The following SLC1A3 variants were observed in gnomAD, a reference collection of about 807,000 sequenced individuals.
The protein encoded by SLC1A3 is solute carrier family 1 member 3, also known as excitatory amino acid transporter 1.
In SLC1A3, 21 loss-of-function variants were observed where a neutral mutation model predicts 48.1. The observed-to-expected ratio is 0.44, with a 90% CI of 0.31 to 0.63. The LOEUF is 0.63. Among genes scored for constraint, SLC1A3 ranks in the 20% least tolerant of loss-of-function variants. SLC1A3 has a pLI of 0.08. For missense variants in SLC1A3, 546 were observed against 689.0 expected, an observed-to-expected ratio of 0.79 and a Z score of 2.32; for synonymous variants, 239 against 251.4, an observed-to-expected ratio of 0.95 and a Z score of 0.47.
At chr5:36,675,006 C>T (rs1742147368) in intron 5 of SLC1A3, among the ~76,000 whole-genome samples, 1 of 152,146 alleles carries the variant, frequency 6.6e-6, no homozygotes, top group Non-Finnish European at 1.5e-5. Flanking sequence ...GGGAAACAGA[C>T]ACTCTTGGTT....
intron 3 of SLC1A3, among the ~76,000 whole-genome samples, chr5:36,632,412 C>T (rs907645958): frequency 3.3e-5 from 5 of 152,182 alleles, no homozygotes; most frequent in African/African-American, 9.7e-5. Flanking sequence ...CAGTCCTGTG[C>T]CAAAGCTTAA....
rs145621641 is a variant in SLC1A3 at position 36,674,840 on chromosome 5, G to A, written c.567+749G>A. Among the ~76,000 whole-genome samples the A allele has an allele frequency of 3.7e-4, 57 of 152,246 alleles. 1 individual carries two copies. Among genetic ancestry groups the A allele is most frequent in the African/African-American group, 1.2e-3 (48 of 41,546 alleles). On this transcript the variant is annotated intron_variant, in intron 5 of 9. Coordinates refer to ENST00000265113, the MANE Select transcript of SLC1A3 (RefSeq NM_004172.5). ...GGAATATTCAGGGCGATGAGACACC[G>A]ACCTGGAGGCTATACTGAGGTCCAG...
At chr5:36,625,137 T>G (rs1297113480) in intron 2 of SLC1A3, among the ~76,000 whole-genome samples, 2 of 152,336 alleles carry the variant, frequency 1.3e-5, no homozygotes, top group Non-Finnish European at 2.9e-5. Context: ...GTTAACTGAC[T>G]TCTGAGCATC....
At chr5:36,614,013 A>G (rs1321465517) in intron 2 of SLC1A3, among the ~76,000 whole-genome samples, 3 of 152,202 alleles carry the variant, frequency 2.0e-5, no homozygotes, top group Non-Finnish European at 4.4e-5. Context: ...GTGACGGTGT[A>G]GCCCAGTAAG....
At chr5:36,685,982 C>A in intron 9 of SLC1A3, 83 bp from the exon 10 acceptor site, 2 of 1,048,350 alleles carry the variant, frequency 1.9e-6, no homozygotes, top group Non-Finnish European at 3.0e-6. Flanking sequence ...AGAGGTGCTT[C>A]GCTGGCCAGT....
At chr5:36,672,557 T>G (rs1433682125) in intron 4 of SLC1A3, among the ~76,000 whole-genome samples, 1 of 152,182 alleles carries the variant, frequency 6.6e-6, no homozygotes, top group Non-Finnish European at 1.5e-5. Flanking sequence ...CATTCCCCAT[T>G]GATCTTCTGA....
At chr5:36,632,114 G>A (rs556491246) in intron 3 of SLC1A3, among the ~76,000 whole-genome samples, 1 of 152,286 alleles carries the variant, frequency 6.6e-6, no homozygotes, top group African/African-American at 2.4e-5. Context: ...AGAACTAAGA[G>A]GGACAAGTAT....
intron 3 of SLC1A3, chr5:36,629,956 G>T: frequency 3.1e-6 from 1 of 326,742 alleles, no homozygotes; most frequent in Non-Finnish European, 5.9e-6. Flanking sequence ...ACATCTGGTT[G>T]GACAGCCTAT....
intron 1 of SLC1A3, chr5:36,607,207 A>T (rs1393188374): frequency 6.6e-6 from 1 of 151,884 alleles, no homozygotes; most frequent in African/African-American, 2.4e-5. Context: ...TTTTTCCTGC[A>T]CTGGGATTGC....
intron 3 of SLC1A3, among the ~76,000 whole-genome samples, chr5:36,665,198 A>T (rs1336822238): frequency 6.7e-6 from 1 of 149,650 alleles, no homozygotes. Flanking sequence ...TAATTCATAT[A>T]GTAACCCAAT....
intron 2 of SLC1A3, among the ~76,000 whole-genome samples, chr5:36,623,092 T>G (rs1032627965): frequency 1.3e-5 from 2 of 152,150 alleles, no homozygotes; most frequent in Non-Finnish European, 2.9e-5. Context: ...TCTTGAACTT[T>G]CTGCATTAGC....
chr5:36,670,202 T>C (rs996272891), intron 3 of SLC1A3, among the ~76,000 whole-genome samples: 1 of 152,212 alleles, frequency 6.6e-6, no homozygotes, highest in African/African-American at 2.4e-5. Context: ...AAGTCATGCC[T>C]CCTTTTTTCT....
intron 2 of SLC1A3, among the ~76,000 whole-genome samples, chr5:36,623,014 C>CAAACA (rs1290307339): frequency 1.7e-4 from 9 of 51,938 alleles, no homozygotes; most frequent in Non-Finnish European, 3.3e-4. Context: ...TCCATCATCT[C>CAAACA]AAAAAAAAAA....
chr5:36,614,518 G>A (rs569777617), intron 2 of SLC1A3, among the ~76,000 whole-genome samples: 1 of 152,130 alleles, frequency 6.6e-6, no homozygotes, highest in Non-Finnish European at 1.5e-5. Context: ...GTCCCTTACC[G>A]ATCTGGCCTC....
intron 5 of SLC1A3, among the ~76,000 whole-genome samples, chr5:36,675,096 T>C (rs1742152209): frequency 6.6e-6 from 1 of 152,194 alleles, no homozygotes; most frequent in Non-Finnish European, 1.5e-5. Context: ...GCTTAGGATC[T>C]GTAAAACAAA....
At chr5:36,629,310 T>A (rs1740034417) in intron 2 of SLC1A3, 140 bp from the exon 3 acceptor site, 2 of 740,882 alleles carry the variant, frequency 2.7e-6, no homozygotes, top group East Asian at 5.4e-5. Flanking sequence ...ATACATCTCT[T>A]GCTCCCAAAG....
chr5:36,637,123 C>G (rs569347997), intron 3 of SLC1A3, among the ~76,000 whole-genome samples: 1 of 152,296 alleles, frequency 6.6e-6, no homozygotes, highest in Admixed American at 6.5e-5. Flanking sequence ...TCTTGATTGC[C>G]TCTCCACCAT....
chr5:36,623,582 G>A (rs1288421120), intron 2 of SLC1A3, among the ~76,000 whole-genome samples: 3 of 151,772 alleles, frequency 2.0e-5, no homozygotes, highest in Non-Finnish European at 4.4e-5. Flanking sequence ...GTGGCCGGGA[G>A]AGGTGGTTCA....
At chr5:36,675,872 C>T (rs1486865822) in intron 5 of SLC1A3, among the ~76,000 whole-genome samples, 2 of 152,172 alleles carry the variant, frequency 1.3e-5, no homozygotes, top group African/African-American at 4.8e-5. Flanking sequence ...TGACCAAGCA[C>T]TTCATATACA....
Sources: gnomAD v4.1 joint callset for allele counts (sites outside exome capture counted in the v4.1 genomes callset) on GRCh38, gnomAD v4.1.1 for gene constraint, MANE v1.5 for transcripts, NCBI Gene and HGNC (gene_info 2026-07-23, HGNC 2026-07-21) for gene names.